The following ANK2 variants were observed in gnomAD, a reference collection of about 807,000 sequenced individuals.
The protein encoded by ANK2 is ankyrin-2.
A neutral mutation model predicts 360.5 loss-of-function variants in ANK2; 83 were observed. The observed-to-expected ratio is 0.23, with a 90% confidence interval of 0.19 to 0.28. ANK2 has a LOEUF of 0.28. Ranked by LOEUF, ANK2 falls within the 10% of genes least tolerant of loss-of-function variation. The probability of loss-of-function intolerance (pLI) is 1.00; values close to 1 mark genes in which losing one functional copy is unlikely to be tolerated. For synonymous variants in ANK2, 1,740 were observed against 1,759.5 expected (o/e 0.99, Z 0.28); for missense variants, 4,201 against 4,795.7 (o/e 0.88, Z 3.66).
chr4:113,243,597 A>G lies in ANK2; in HGVS notation c.891+1388A>G, dbSNP rs78273732. ...CAGTGTCTTTGCATCAGAGTTTTATATGGTTTCTACTTTTTGCTTAGTAGG... is the reference window on the plus strand; with the variant it reads ...CAGTGTCTTTGCATCAGAGTTTTATGTGGTTTCTACTTTTTGCTTAGTAGG... On this transcript the variant is annotated intron_variant, in intron 9 of 45. Transcript: ENST00000357077. 2.8e-4 allele frequency among the ~76,000 whole-genome samples: 42 copies of G among 152,246 alleles called. No homozygotes were observed. The East Asian group carries it at 7.7e-3, about 28-fold the overall frequency.
At chr4:113,345,473 G>A (rs2094736711) in intron 34 of ANK2, among the ~76,000 whole-genome samples, 1 of 152,116 alleles carries the variant, frequency 6.6e-6, no homozygotes, top group African/African-American at 2.4e-5. Flanking sequence ...TTTAAAAGCT[G>A]AGTAAGTTCT....
intron 2 of ANK2, among the ~76,000 whole-genome samples, chr4:112,909,286 T>G (rs1286704880): frequency 6.6e-6 from 1 of 152,242 alleles, no homozygotes; most frequent in Non-Finnish European, 1.5e-5. Context: ...TGTAACATAA[T>G]TTGCTTAAAT....
intron 1 of ANK2, among the ~76,000 whole-genome samples, chr4:112,883,860 A>ATATATATATG (rs200371176): frequency 1.3e-4 from 19 of 148,958 alleles, no homozygotes; most frequent in African/African-American, 3.4e-4. Flanking sequence ...TCATTCATTC[A>ATATATATATG]TATATATATG....
In ANK2 at chr4:113,069,220, G is replaced by A. The variant is rs146569477; in HGVS notation, c.84+19408G>A. On this transcript the variant is annotated intron_variant, in intron 1 of 45. Coordinates refer to ENST00000357077, the MANE Select transcript of ANK2 (RefSeq NM_001148.6). ...AGGTAATCAGTGAGGAGAGGAGAAC[G>A]CACAAGGTCAGAGAGAAATGAAGAG... 2.0e-3 allele frequency among the ~76,000 whole-genome samples: 302 copies of A among 152,224 alleles called. 8 individuals carry two copies. In the South Asian group the frequency reaches 0.048, roughly 24 times the overall value.
At chr4:112,829,985 A>T (rs1231720496) in intron 1 of ANK2, among the ~76,000 whole-genome samples, 3 of 152,114 alleles carry the variant, frequency 2.0e-5, no homozygotes, top group Non-Finnish European at 2.9e-5. Context: ...AAAATAAAAA[A>T]AAAGTCAAAA....
At chr4:113,201,612 T>C (rs1228200610) in intron 4 of ANK2, among the ~76,000 whole-genome samples, 1 of 152,250 alleles carries the variant, frequency 6.6e-6, no homozygotes, top group Non-Finnish European at 1.5e-5. Flanking sequence ...ACATTGGTGC[T>C]GTTAAAATCT....
chr4:112,871,276 C>T (rs772374504), intron 1 of ANK2, among the ~76,000 whole-genome samples: 5 of 151,844 alleles, frequency 3.3e-5, no homozygotes, highest in Admixed American at 2.0e-4. Flanking sequence ...ATCTCCGTCT[C>T]CTGGGTTCAA....
intron 45 of ANK2, among the ~76,000 whole-genome samples, chr4:113,373,882 A>T (rs929382755): frequency 2.0e-5 from 3 of 152,222 alleles, no homozygotes; most frequent in Non-Finnish European, 4.4e-5. Flanking sequence ...AGATTTCTGC[A>T]TTGCAGAGTT....
chr4:112,991,141 C>T (rs1406891708), intron 2 of ANK2, among the ~76,000 whole-genome samples: 7 of 149,868 alleles, frequency 4.7e-5, no homozygotes, highest in Non-Finnish European at 1.0e-4. Context: ...GTCCCAGCTC[C>T]TCGGGAAGCT....
At chr4:113,167,489 G>C (rs1284827470) in intron 1 of ANK2, among the ~76,000 whole-genome samples, 2 of 151,794 alleles carry the variant, frequency 1.3e-5, no homozygotes, top group Non-Finnish European at 2.9e-5. Flanking sequence ...AGTAGAAATG[G>C]GGTTTCACCA....
chr4:112,736,919 A>G, the ANK2 span, among the ~76,000 whole-genome samples: 4 of 152,338 alleles, frequency 2.6e-5, no homozygotes, highest in Non-Finnish European at 5.9e-5. Flanking sequence ...TTGAAGGAGC[A>G]CAATTACATT....
chr4:112,863,627 A>G (rs2068941745), intron 1 of ANK2, among the ~76,000 whole-genome samples: 1 of 140,582 alleles, frequency 7.1e-6, no homozygotes, highest in Non-Finnish European at 1.5e-5. Context: ...GGTTCACGCC[A>G]TTCTCCTGCC....
intron 1 of ANK2, among the ~76,000 whole-genome samples, chr4:112,864,808 G>A (rs1012725932): frequency 4.3e-4 from 64 of 150,502 alleles, no homozygotes; most frequent in African/African-American, 1.3e-3. Flanking sequence ...CGAGGCGGGC[G>A]GATCACGAGG....
upstream of ANK2, among the ~76,000 whole-genome samples, chr4:113,048,967 C>T (rs2065771423): frequency 6.9e-6 from 1 of 145,298 alleles, no homozygotes; most frequent in Non-Finnish European, 1.5e-5. Context: ...CACACACACT[C>T]CTGATCTAAA....
At chr4:112,910,486 C>G (rs976172963) in intron 2 of ANK2, among the ~76,000 whole-genome samples, 1 of 152,162 alleles carries the variant, frequency 6.6e-6, no homozygotes, top group African/African-American at 2.4e-5. Flanking sequence ...TTAAAGAGAA[C>G]AAATGTGTGT....
intron 2 of ANK2, among the ~76,000 whole-genome samples, chr4:113,035,308 G>A (rs1339035732): frequency 6.6e-6 from 1 of 151,864 alleles, no homozygotes; most frequent in Non-Finnish European, 1.5e-5. Context: ...AAGTGGCATA[G>A]TGATCAAAAG....
At chr4:113,169,856 T>C (rs2097882960) in intron 1 of ANK2, among the ~76,000 whole-genome samples, 1 of 152,160 alleles carries the variant, frequency 6.6e-6, no homozygotes, top group Non-Finnish European at 1.5e-5. Context: ...AGTTTTATAA[T>C]ATTATTCAAA....
intron 1 of ANK2, among the ~76,000 whole-genome samples, chr4:113,134,630 A>G (rs2096281441): frequency 1.3e-5 from 2 of 152,162 alleles, no homozygotes; most frequent in South Asian, 4.1e-4. Flanking sequence ...AGCTAAAATC[A>G]AATGTTATTA....
intron 1 of ANK2, among the ~76,000 whole-genome samples, chr4:112,821,146 C>T (rs942566726): frequency 5.3e-5 from 8 of 152,040 alleles, no homozygotes; most frequent in African/African-American, 1.7e-4. Context: ...AACTCCTGAC[C>T]TCAGGTGATC....
Sources: gnomAD v4.1 joint callset for allele counts (sites outside exome capture counted in the v4.1 genomes callset) on GRCh38, gnomAD v4.1.1 for gene constraint, MANE v1.5 for transcripts, NCBI Gene and HGNC (gene_info 2026-07-23, HGNC 2026-07-21) for gene names.